Variants in ASS1 observed in about 807,000 individuals in gnomAD.
The protein encoded by ASS1 is argininosuccinate synthase.
ASS1 carries 58 observed loss-of-function variants against 60.5 expected under a neutral mutation model. That is an observed-to-expected ratio of 0.96 (90% CI 0.78 to 1.19). ASS1 has a LOEUF of 1.19. Among genes scored for constraint, ASS1 ranks in the 50% most tolerant of loss-of-function variants. The pLI is 0.00. For missense variants in ASS1, 454 were observed against 547.3 expected, an observed-to-expected ratio of 0.83 and a Z score of 1.70; for synonymous variants, 200 against 206.9, an observed-to-expected ratio of 0.97 and a Z score of 0.29.
In ASS1 at chr9:130,471,919, T is replaced by C. The variant is rs73655357; in HGVS notation, c.597+404T>C. Among the ~76,000 whole-genome samples the C allele has an allele frequency of 5.5e-3, 830 of 151,928 alleles. 10 individuals are homozygous for C. Among genetic ancestry groups the C allele is most frequent in the African/African-American group, 0.019 (770 of 41,330 alleles). ...TGGTTGTGGGGGGTGGGGGGAGGCA[T>C]GGCTGAGAGCCCTAGGCCCCATTTG... On this transcript the variant is annotated intron_variant, in intron 8 of 14. Coordinates refer to ENST00000352480, the MANE Select transcript of ASS1 (RefSeq NM_054012.4).
intron 3 of ASS1, 95 bp from the exon 4 acceptor site, chr9:130,458,306 G>A (rs985606282): frequency 3.9e-5 from 57 of 1,462,450 alleles, no homozygotes; most frequent in Non-Finnish European, 2.7e-5. Flanking sequence ...GGGTGGCCCC[G>A]TATAGGTCTC....
intron 2 of ASS1, 86 bp from the exon 3 acceptor site, chr9:130,454,218 AG>A (rs1845385708): frequency 7.5e-7 from 1 of 1,335,450 alleles, no homozygotes; most frequent in South Asian, 1.2e-5. Context: ...TCTCTGTAGC[AG>A]GGGGTGGGAG....
intron 1 of ASS1, among the ~76,000 whole-genome samples, chr9:130,451,319 C>T (rs531660730): frequency 2.6e-5 from 4 of 152,232 alleles, no homozygotes; most frequent in South Asian, 2.1e-4. Flanking sequence ...AGAGAGCCCT[C>T]GTGCCCATCT....
Position 130,452,242 on chromosome 9 carries a change from G to C in ASS1, c.14G>C (p.Gly5Ala), listed in dbSNP as rs201700775. 6.6e-5 allele frequency: 107 copies of C among 1,614,090 alleles called. No homozygotes were observed. Among genetic ancestry groups the C allele is most frequent in the Non-Finnish European group, 8.3e-5 (98 of 1,180,042 alleles). The change falls in exon 2 of 15, where the codon GGC becomes GCC. Residue 5 changes from glycine to alanine, a missense_variant. Coordinates refer to ENST00000352480, the MANE Select transcript of ASS1 (RefSeq NM_054012.4). The part of the protein sequence containing the change: MSSK[G>A]SVVLAYSGGL... ...CCGCCAGACGCTATGTCCAGCAAAG[G>C]CTCCGTGGTTCTGGCCTACAGTGGC...
intron 14 of ASS1, among the ~76,000 whole-genome samples, chr9:130,500,289 C>G (rs1240711380): frequency 6.6e-6 from 1 of 152,112 alleles, no homozygotes; most frequent in Non-Finnish European, 1.5e-5. Context: ...CCTAGGATGT[C>G]TCATTTAATT....
Position 130,470,210 on chromosome 9 carries a change from T to C in ASS1, c.496-624T>C, listed in dbSNP as rs964417686. ...TCCTGGGCAGAGGTGGGTGTCCTCC[T>C]GTAACAACAGACTGGGCCATTTAGG... On this transcript the variant is annotated intron_variant, in intron 6 of 14. Coordinates refer to ENST00000352480, the MANE Select transcript of ASS1 (RefSeq NM_054012.4). This position sits in a 1 kb window ranked among gnomAD's most constrained non-coding sequence, Gnocchi z 4.3. Among the ~76,000 whole-genome samples the C allele has an allele frequency of 1.3e-5, 2 of 152,188 alleles. No homozygotes were observed. Among genetic ancestry groups the C allele is most frequent in the African/African-American group, 4.8e-5 (2 of 41,446 alleles).
At chr9:130,464,253 C>T (rs1196814736) in intron 5 of ASS1, 86 bp downstream of exon 5, 1 of 1,496,404 alleles carries the variant, frequency 6.7e-7, no homozygotes, top group African/African-American at 1.4e-5. Context: ...TGGGAGATTC[C>T]ACAGGACAGG....
chr9:130,445,789 G>C (rs1845180954), intron 1 of ASS1, among the ~76,000 whole-genome samples: 1 of 152,276 alleles, frequency 6.6e-6, no homozygotes, highest in East Asian at 1.9e-4. Flanking sequence ...GGCTGGCCTG[G>C]CCTCAGTATT....
At position 130,499,546 on chromosome 9, in the gene ASS1, G is replaced by A. The variant is rs753858624; in HGVS notation, c.1169G>A (p.Gly390Glu). ...QGDYEPTDAT[G>E]FININSLRLK... Reference sequence around the variant, plus strand: ...GATTATGAGCCAACTGATGCCACCGGGTTCATCAACATCAATTCCCTCAGG... The same window carrying A: ...GATTATGAGCCAACTGATGCCACCGAGTTCATCAACATCAATTCCCTCAGG... The change falls in exon 14 of 15, where the codon GGG becomes GAG. Residue 390 changes from glycine to glutamate, a missense_variant. Coordinates refer to ENST00000352480, the MANE Select transcript of ASS1 (RefSeq NM_054012.4). 1 of 1,613,786 alleles carries A rather than the reference G, an allele frequency of 6.2e-7. No homozygotes were observed. Among genetic ancestry groups the A allele is most frequent in the Non-Finnish European group, 8.5e-7 (1 of 1,179,910 alleles).
intron 4 of ASS1, among the ~76,000 whole-genome samples, chr9:130,461,379 G>C (rs1000231523): frequency 8.8e-5 from 12 of 137,074 alleles, no homozygotes; most frequent in Non-Finnish European, 3.3e-5. Flanking sequence ...TGAGGCCTTG[G>C]GGGCCGACAA....
At chr9:130,487,837 G>C (rs912025183) in intron 11 of ASS1, among the ~76,000 whole-genome samples, 2 of 151,592 alleles carry the variant, frequency 1.3e-5, no homozygotes, top group Admixed American at 1.3e-4. Flanking sequence ...TGCAACCTCT[G>C]CCTCCCAGGC....
In ASS1 at chr9:130,480,361, C is replaced by G. The variant is rs1302334303; in HGVS notation, c.774-24C>G. ...CTGAGCCTTGCGGTAGCGCCCGAAC[C>G]TAATGGACCAGTTCTTCCCACAGGG... On this transcript the variant is annotated intron_variant, in intron 10 of 14. Coordinates refer to ENST00000352480, the MANE Select transcript of ASS1 (RefSeq NM_054012.4). The G allele has an allele frequency of 3.1e-6, 5 of 1,614,160 alleles. No homozygotes were observed. In the South Asian group the frequency reaches 4.4e-5, roughly 14 times the overall value.
chr9:130,454,195 G>A (rs1845385423), intron 2 of ASS1, 110 bp from the exon 3 acceptor site: 3 of 1,115,890 alleles, frequency 2.7e-6, no homozygotes. Context: ...ACTTGGCCAT[G>A]GAATGGAAGC....
intron 2 of ASS1, 86 bp from the exon 3 acceptor site, chr9:130,454,219 G>T: frequency 7.4e-7 from 1 of 1,353,712 alleles, no homozygotes; most frequent in Non-Finnish European, 1.0e-6. Context: ...CTCTGTAGCA[G>T]GGGGTGGGAG....
chr9:130,495,575 T>A (rs1371664446), intron 13 of ASS1, among the ~76,000 whole-genome samples: 2 of 141,758 alleles, frequency 1.4e-5, no homozygotes, highest in African/African-American at 5.3e-5. Context: ...AGTTAACAGG[T>A]GAATGGGGGG....
Position 130,491,531 on chromosome 9 carries a change from G to A in ASS1, c.970+2067G>A, listed in dbSNP as rs1273989644. Among the ~76,000 whole-genome samples the A allele has an allele frequency of 6.6e-6, 1 of 152,228 alleles. No individual in the cohort carries two copies. The highest frequency in any genetic ancestry group is 1.5e-5 in the Non-Finnish European group (1 of 68,040). On this transcript the variant is annotated intron_variant, in intron 12 of 14. Coordinates refer to ENST00000352480, the MANE Select transcript of ASS1 (RefSeq NM_054012.4). This position sits in a 1 kb window ranked among gnomAD's most constrained non-coding sequence, Gnocchi z 5.3. ...GCTGGTGATGGGCAGCTTTGAGCCG[G>A]GGACAGGCCAGCTGTAGCGGCCAAG...
At chr9:130,490,303 T>TTTTA (rs1039187131) in intron 12 of ASS1, among the ~76,000 whole-genome samples, 139 of 152,210 alleles carry the variant, frequency 9.1e-4, no homozygotes, top group South Asian at 3.1e-3. Context: ...TACATTTTTA[T>TTTTA]TTTATTTATT....
chr9:130,446,280 A>G (rs1328789483), intron 1 of ASS1, among the ~76,000 whole-genome samples: 1 of 152,140 alleles, frequency 6.6e-6, no homozygotes, highest in Admixed American at 6.5e-5. Context: ...TTGCACAATA[A>G]CTGTGCCTGG....
In ASS1 at chr9:130,451,332, C is replaced by T. The variant is rs1845320694; in HGVS notation, c.-5-892C>T. On this transcript the variant is annotated intron_variant, in intron 1 of 14. Transcript: ENST00000352480. ...GCAGAGAGCCCTCGTGCCCATCTGTCCCCCCGGGAAGGGCCGCTGGTTGCA... is the reference window on the plus strand; with the variant it reads ...GCAGAGAGCCCTCGTGCCCATCTGTTCCCCCGGGAAGGGCCGCTGGTTGCA... Among the ~76,000 whole-genome samples, 3 of 152,164 alleles carry T rather than the reference C, an allele frequency of 2.0e-5. No individual in the cohort carries two copies. In the South Asian group the frequency reaches 6.2e-4, roughly 31 times the overall value.
Sources: gnomAD v4.1 joint callset for allele counts (sites outside exome capture counted in the v4.1 genomes callset) on GRCh38, gnomAD v4.1.1 for gene constraint, Gnocchi (gnomAD v3.1) non-coding constraint, MANE v1.5 for transcripts, NCBI Gene and HGNC (gene_info 2026-07-23, HGNC 2026-07-21) for gene names.